The following POLD3 variants were observed in gnomAD, a reference collection of about 807,000 sequenced individuals.
POLD3 encodes the protein DNA polymerase delta subunit 3.
In POLD3, 19 loss-of-function variants were observed where a neutral mutation model predicts 58.2. That is an observed-to-expected ratio of 0.33 (90% confidence interval 0.23 to 0.48). The LOEUF is 0.48. POLD3 is among the 20% of genes least tolerant of loss of function. The pLI, the probability that POLD3 is intolerant of heterozygous loss-of-function variation, is 0.99. For missense variants in POLD3, 504 were observed against 545.5 expected (o/e 0.92, Z 0.76); for synonymous variants, 172 against 193.5 (o/e 0.89, Z 0.92).
rs1591323159 is a variant in POLD3, at chr11:74,642,478, A to G, written c.*1712A>G. 2.0e-6 allele frequency: 2 copies of G among 985,194 alleles called. No homozygotes were observed. The highest frequency in any genetic ancestry group is 2.4e-6 in the Non-Finnish European group (2 of 829,728). 61.0% of individuals were successfully genotyped at this position (985,194 alleles called of 1,614,324 possible). On this transcript the variant is annotated 3_prime_UTR_variant, in exon 12 of 12. Coordinates refer to ENST00000263681, the MANE Select transcript of POLD3 (RefSeq NM_006591.3). ...AAATTAAAAGAAAAGCAACAATCCA[A>G]TCTTTTTTCTAAAAATTATGCTGGG...
At position 74,641,466 on chromosome 11, in the gene POLD3, A is replaced by C. The variant is rs1461392292; in HGVS notation, c.*700A>C. Reference sequence around the variant, plus strand: ...AAGCCTCAGGCAGAACACAAATAGAAATTTAATGATGTGTTCAACTCCACC... The same window carrying C: ...AAGCCTCAGGCAGAACACAAATAGACATTTAATGATGTGTTCAACTCCACC... On this transcript the variant is annotated 3_prime_UTR_variant, in exon 12 of 12. Coordinates refer to ENST00000263681, the MANE Select transcript of POLD3 (RefSeq NM_006591.3). 2 of 985,282 alleles carry C rather than the reference A, an allele frequency of 2.0e-6. No homozygotes were observed. Among genetic ancestry groups the C allele is most frequent in the African/African-American group, 3.5e-5 (2 of 57,206 alleles). 61.0% of individuals were successfully genotyped at this position (985,282 alleles called of 1,614,324 possible).
chr11:74,610,163 T>G (rs2031858721), intron 3 of POLD3, among the ~76,000 whole-genome samples: 1 of 152,158 alleles, frequency 6.6e-6, no homozygotes, highest in Non-Finnish European at 1.5e-5. Flanking sequence ...TTTAGGGCTA[T>G]TTATATTTCT....
intron 11 of POLD3, among the ~76,000 whole-genome samples, chr11:74,637,286 C>G (rs1170698824): frequency 6.6e-6 from 1 of 152,104 alleles, no homozygotes; most frequent in Non-Finnish European, 1.5e-5. Flanking sequence ...ACCTCCCAGT[C>G]CTCTGAAAAG....
intron 2 of POLD3, among the ~76,000 whole-genome samples, chr11:74,603,068 A>G (rs1319467106): frequency 1.3e-5 from 2 of 152,170 alleles, no homozygotes; most frequent in Non-Finnish European, 2.9e-5. Flanking sequence ...TATATATTAT[A>G]TGTTTATTGT....
At chr11:74,619,699 A>C (rs773637050) in intron 6 of POLD3, among the ~76,000 whole-genome samples, 12 of 152,230 alleles carry the variant, frequency 7.9e-5, no homozygotes, top group Admixed American at 3.9e-4. Flanking sequence ...CTTTGTGTAC[A>C]TACTGCCTCT....
At chr11:74,634,456 G>C (rs1208655801) in intron 9 of POLD3, 127 bp from the exon 10 acceptor site, 13 of 602,264 alleles carry the variant, frequency 2.2e-5, no homozygotes, top group Non-Finnish European at 3.0e-6. Context: ...CAGAGTTCTT[G>C]GTTGTCATGA....
At chr11:74,624,386 A>G (rs2032364099) in intron 7 of POLD3, among the ~76,000 whole-genome samples, 1 of 152,214 alleles carries the variant, frequency 6.6e-6, no homozygotes, top group South Asian at 2.1e-4. Context: ...AATAGATTGC[A>G]TTTTACACTT....
Position 74,642,116 on chromosome 11 carries a change from C to T in POLD3, c.*1350C>T, listed in dbSNP as rs557954215. On this transcript the variant is annotated 3_prime_UTR_variant, in exon 12 of 12. Transcript: ENST00000263681. The stretch of plus-strand genomic sequence containing the variant: ...TCTTTTGCCTCAAGATGGTGTATGT[C>T]GTAAGTGATGCAATCAGCTGTCTGC... 1.1e-4 allele frequency: 105 copies of T among 985,212 alleles called. No homozygotes were observed. In the East Asian group the frequency reaches 1.8e-3, roughly 17 times the overall value. The allele number at this position is 985,212 out of a possible 1,614,324, so 61.0% of individuals were successfully genotyped here.
At chr11:74,619,247 T>A (rs1379385045) in intron 6 of POLD3, among the ~76,000 whole-genome samples, 1 of 152,246 alleles carries the variant, frequency 6.6e-6, no homozygotes, top group Non-Finnish European at 1.5e-5. Context: ...TTTTGCCTTA[T>A]TTGCTTCTCT....
At chr11:74,610,662 A>T (rs688063) in intron 3 of POLD3, among the ~76,000 whole-genome samples, 1 of 151,410 alleles carries the variant, frequency 6.6e-6, no homozygotes, top group South Asian at 2.1e-4. Context: ...TTGCTTTTTT[A>T]AAATAGATTA....
At chr11:74,665,831 T>C (rs1180705966) in intron 4 of POLD3, among the ~76,000 whole-genome samples, 1 of 152,138 alleles carries the variant, frequency 6.6e-6, no homozygotes, top group Non-Finnish European at 1.5e-5. Context: ...AACTTACCCT[T>C]AGGATCAAAA....
At chr11:74,607,092 A>G (rs1344038469) in intron 3 of POLD3, among the ~76,000 whole-genome samples, 2 of 152,008 alleles carry the variant, frequency 1.3e-5, no homozygotes, top group African/African-American at 4.8e-5. Context: ...CCTTAAAGGG[A>G]ATCCTCCTAA....
intron 2 of POLD3, among the ~76,000 whole-genome samples, chr11:74,602,380 C>T (rs71465927): frequency 0.037 from 5,690 of 152,142 alleles, 132 homozygotes; most frequent in Non-Finnish European, 0.057. Context: ...CCCTCAACAC[C>T]TGCTTTTCCT....
Position 74,625,545 on chromosome 11 carries a change from G to T in POLD3, c.871G>T (p.Val291Phe). The change falls in exon 8 of 12, where the codon GTT becomes TTT. Residue 291 changes from valine to phenylalanine, a missense_variant. Physicochemically the swap from Val to Phe is conservative, Grantham distance 50. Transcript: ENST00000263681. Reference sequence around the variant, plus strand: ...AAAATCCAGCAAAAAAGCAGAGCCTGTTAAGGTGCTGCAGAAGGAAAAAAA... The same window carrying T: ...AAAATCCAGCAAAAAAGCAGAGCCTTTTAAGGTGCTGCAGAAGGAAAAAAA... ...LKKSSKKAEP[V>F]KVLQKEKKRG... The T allele has an allele frequency of 6.2e-7, 1 of 1,610,150 alleles. No individual in the cohort carries two copies. Among genetic ancestry groups the T allele is most frequent in the Non-Finnish European group, 8.5e-7 (1 of 1,178,896 alleles).
Position 74,641,483 on chromosome 11 carries a change from A to T in POLD3, c.*717A>T. ...CAAATAGAAATTTAATGATGTGTTCAACTCCACCAGAAATTACCTCGAGTC... is the reference window on the plus strand; with the variant it reads ...CAAATAGAAATTTAATGATGTGTTCTACTCCACCAGAAATTACCTCGAGTC... On this transcript the variant is annotated 3_prime_UTR_variant, in exon 12 of 12. Transcript: ENST00000263681. 2 of 985,484 alleles carry T rather than the reference A, an allele frequency of 2.0e-6. No homozygotes were observed. The highest frequency in any genetic ancestry group is 2.4e-6 in the Non-Finnish European group (2 of 829,950). The allele number at this position is 985,484 out of a possible 1,614,324, so 61.0% of individuals were successfully genotyped here.
chr11:74,631,883 A>T (rs11236180), intron 9 of POLD3, among the ~76,000 whole-genome samples: 10 of 151,592 alleles, frequency 6.6e-5, no homozygotes, highest in African/African-American at 2.2e-4. Context: ...AGTACCTTCA[A>T]TTTTTTCAGA....
chr11:74,602,209 G>T (rs1005671824), intron 2 of POLD3, among the ~76,000 whole-genome samples: 1 of 152,208 alleles, frequency 6.6e-6, no homozygotes, highest in African/African-American at 2.4e-5. Flanking sequence ...CTCCCTGAGA[G>T]CTGGGATTAC....
chr11:74,617,783 C>T (rs1159704953), intron 5 of POLD3, among the ~76,000 whole-genome samples: 1 of 152,020 alleles, frequency 6.6e-6, no homozygotes, highest in African/African-American at 2.4e-5. Context: ...GAGTGATGAG[C>T]TCATGGCTCA....
At chr11:74,602,141 G>A (rs183810637) in intron 2 of POLD3, among the ~76,000 whole-genome samples, 2 of 151,730 alleles carry the variant, frequency 1.3e-5, no homozygotes, top group African/African-American at 2.4e-5. Context: ...ATGGGGTCTC[G>A]CTATATTGCC....
Sources: gnomAD v4.1 joint callset for allele counts (sites outside exome capture counted in the v4.1 genomes callset) on GRCh38, gnomAD v4.1.1 for gene constraint, MANE v1.5 for transcripts, NCBI Gene and HGNC (gene_info 2026-07-23, HGNC 2026-07-21) for gene names.